ENOX1: variants seen among roughly 807,000 people sequenced by gnomAD.
ENOX1 encodes the protein ecto-NOX disulfide-thiol exchanger 1.
A neutral mutation model predicts 82.5 loss-of-function variants in ENOX1; 42 were observed. The ratio of observed to expected loss-of-function variants is 0.51; its 90% confidence interval spans 0.40 to 0.66. ENOX1 has a LOEUF of 0.66. Among genes scored for constraint, ENOX1 ranks in the 30% least tolerant of loss-of-function variants. The probability of loss-of-function intolerance (pLI) is 0.00; values close to 1 mark genes in which losing one functional copy is unlikely to be tolerated. For synonymous variants in ENOX1, 271 were observed against 282.2 expected, an observed-to-expected ratio of 0.96 and a Z score of 0.40; for missense variants, 608 against 811.6, an observed-to-expected ratio of 0.75 and a Z score of 3.05.
intron 2 of ENOX1, among the ~76,000 whole-genome samples, chr13:43,559,852 T>G (rs981555252): frequency 6.6e-6 from 1 of 152,148 alleles, no homozygotes; most frequent in Non-Finnish European, 1.5e-5. Context: ...TGGAAAAGAC[T>G]AAAACACAAA....
intron 2 of ENOX1, among the ~76,000 whole-genome samples, chr13:43,551,622 T>C (rs1208742968): frequency 6.6e-6 from 1 of 152,228 alleles, no homozygotes; most frequent in Non-Finnish European, 1.5e-5. Context: ...CAACTGATTA[T>C]TACATTTGAT....
chr13:43,290,368 C>CATATATAT (rs141606203), intron 12 of ENOX1, among the ~76,000 whole-genome samples: 2 of 150,398 alleles, frequency 1.3e-5, no homozygotes, highest in African/African-American at 4.9e-5. Context: ...ATGGGATATA[C>CATATATAT]ATATATATAT....
chr13:43,763,114 T>C (rs1292802530), intron 1 of ENOX1, among the ~76,000 whole-genome samples: 1 of 152,242 alleles, frequency 6.6e-6, no homozygotes, highest in Non-Finnish European at 1.5e-5. Flanking sequence ...GAAGTTAGGC[T>C]TAAAATGTTT....
At chr13:43,751,208 A>G (rs1467251727) in intron 1 of ENOX1, among the ~76,000 whole-genome samples, 1 of 152,196 alleles carries the variant, frequency 6.6e-6, no homozygotes, top group East Asian at 1.9e-4. Context: ...ATGCCTATTC[A>G]TCTTTCCCAG....
At chr13:43,419,308 A>C (rs1259308325) in intron 3 of ENOX1, among the ~76,000 whole-genome samples, 1 of 152,046 alleles carries the variant, frequency 6.6e-6, no homozygotes, top group East Asian at 1.9e-4. Flanking sequence ...ACTTTGGGAG[A>C]CCAAGGTGGG....
intron 13 of ENOX1, among the ~76,000 whole-genome samples, chr13:43,267,089 G>C (rs900287774): frequency 6.6e-6 from 1 of 152,022 alleles, no homozygotes; most frequent in Non-Finnish European, 1.5e-5. Context: ...GTGCTCCATT[G>C]CCAGAACCGT....
intron 8 of ENOX1, among the ~76,000 whole-genome samples, chr13:43,351,376 G>T (rs149815053): frequency 6.6e-6 from 1 of 151,774 alleles, no homozygotes; most frequent in Non-Finnish European, 1.5e-5. Flanking sequence ...CTGCTTTAGG[G>T]TCGAGCAAAA....
chr13:43,732,385 C>G (rs967979098), intron 1 of ENOX1, among the ~76,000 whole-genome samples: 2 of 152,188 alleles, frequency 1.3e-5, no homozygotes, highest in African/African-American at 2.4e-5. Flanking sequence ...AGAATATACT[C>G]TCAAATCCTC....
At chr13:43,458,705 C>CA (rs1218185772) in intron 3 of ENOX1, among the ~76,000 whole-genome samples, 1 of 152,138 alleles carries the variant, frequency 6.6e-6, no homozygotes, top group East Asian at 1.9e-4. Flanking sequence ...TATTTAACTA[C>CA]AAAATTAGGA....
intron 1 of ENOX1, among the ~76,000 whole-genome samples, chr13:43,761,389 C>G (rs1950963952): frequency 6.6e-6 from 1 of 152,196 alleles, no homozygotes; most frequent in South Asian, 2.1e-4. Context: ...ATCACATTTC[C>G]AAACACCTTG....
chr13:43,484,186 G>A, intron 2 of ENOX1, 34 bp from the exon 3 acceptor site: 1 of 981,194 alleles, frequency 1.0e-6, no homozygotes, highest in Non-Finnish European at 1.2e-6. Flanking sequence ...GTTAGGATAT[G>A]TCTAAAGTAC....
At chr13:43,296,534 C>T (rs1156736397) in intron 12 of ENOX1, among the ~76,000 whole-genome samples, 1 of 152,214 alleles carries the variant, frequency 6.6e-6, no homozygotes, top group Non-Finnish European at 1.5e-5. Context: ...TGAGACAATA[C>T]ATTTCTGTCT....
intron 1 of ENOX1, among the ~76,000 whole-genome samples, chr13:43,779,952 C>A (rs958256358): frequency 6.6e-6 from 1 of 152,080 alleles, no homozygotes; most frequent in Non-Finnish European, 1.5e-5. Context: ...GTCAGGAGAT[C>A]GAGACCATCC....
intron 12 of ENOX1, among the ~76,000 whole-genome samples, chr13:43,278,783 G>A (rs1237140393): frequency 6.6e-6 from 1 of 152,104 alleles, no homozygotes; most frequent in Non-Finnish European, 1.5e-5. Context: ...GTTAGGTAAA[G>A]TAAAGAAAAC....
chr13:43,590,832 C>T (rs2081216908), intron 2 of ENOX1, among the ~76,000 whole-genome samples: 1 of 145,308 alleles, frequency 6.9e-6, no homozygotes, highest in Non-Finnish European at 1.5e-5. Flanking sequence ...GACAACCCAA[C>T]AGAGAAATGC....
intron 3 of ENOX1, among the ~76,000 whole-genome samples, chr13:43,437,701 G>A (rs1023183904): frequency 6.6e-6 from 1 of 152,154 alleles, no homozygotes; most frequent in Non-Finnish European, 1.5e-5. Context: ...ATGGCGGACC[G>A]ATTTCAGGGT....
At chr13:43,756,493 G>C (rs1181355606) in intron 1 of ENOX1, among the ~76,000 whole-genome samples, 1 of 124,970 alleles carries the variant, frequency 8.0e-6, no homozygotes, top group Non-Finnish European at 1.7e-5. Flanking sequence ...GAAGGGGAGG[G>C]GAAGGGAGAG....
chr13:43,544,424 A>T (rs1227650377), intron 2 of ENOX1: 1 of 152,148 alleles, frequency 6.6e-6, no homozygotes, highest in East Asian at 1.9e-4. Context: ...CCAAGCACAC[A>T]ACTATTTCTT....
intron 6 of ENOX1, among the ~76,000 whole-genome samples, chr13:43,360,532 G>C (rs2050432691): frequency 6.6e-6 from 1 of 151,812 alleles, no homozygotes; most frequent in Non-Finnish European, 1.5e-5. Context: ...CACCGGGCCT[G>C]AAAAAAACCA....
Sources: allele counts gnomAD v4.1 joint callset (sites outside exome capture counted in the v4.1 genomes callset), GRCh38; gene constraint gnomAD v4.1.1; transcripts MANE v1.5; gene names NCBI Gene and HGNC (gene_info 2026-07-23, HGNC 2026-07-21).